Variants in DNAH12 observed in about 807,000 individuals in gnomAD.
The protein encoded by DNAH12 is dynein axonemal heavy chain 12, also known as axonemal beta dynein heavy chain 12.
A neutral mutation model predicts 371.5 loss-of-function variants in DNAH12; 285 were observed. That is an observed-to-expected ratio of 0.77 (90% CI 0.70 to 0.85). DNAH12 has a LOEUF of 0.85. Ranked by LOEUF, DNAH12 falls within the 40% of genes least tolerant of loss-of-function variation. DNAH12 has a pLI of 0.00. For synonymous variants in DNAH12, 1,200 were observed against 1,213.0 expected, an observed-to-expected ratio of 0.99 and a Z score of 0.22; for missense variants, 3,611 against 3,689.4, an observed-to-expected ratio of 0.98 and a Z score of 0.55.
chr3:57,294,552 A>C (rs183179456), intron 73 of DNAH12, among the ~76,000 whole-genome samples: 51 of 152,296 alleles, frequency 3.3e-4, no homozygotes, highest in Non-Finnish European at 5.0e-4. Context: ...ACCGCTTAGC[A>C]GGCATGAGAA....
At chr3:57,342,757 GAACA>G (rs1559571515) in intron 60 of DNAH12, among the ~76,000 whole-genome samples, 1 of 149,304 alleles carries the variant, frequency 6.7e-6, no homozygotes, top group African/African-American at 2.5e-5. Flanking sequence ...CATGTCAACA[GAACA>G]AAAAAATCTA....
At chr3:57,366,497 C>G (rs1013080899) in intron 57 of DNAH12, among the ~76,000 whole-genome samples, 33 of 152,094 alleles carry the variant, frequency 2.2e-4, no homozygotes, top group Non-Finnish European at 1.5e-4. Context: ...GGATCCCTTT[C>G]CTGTAACAAT....
chr3:57,411,320 G>T (rs1378749392), intron 39 of DNAH12, among the ~76,000 whole-genome samples: 1 of 151,660 alleles, frequency 6.6e-6, no homozygotes, highest in Non-Finnish European at 1.5e-5. Context: ...TTGAGGTCAG[G>T]AGTTCAAGAC....
intron 2 of DNAH12, among the ~76,000 whole-genome samples, chr3:57,534,148 T>A (rs975394264): frequency 1.3e-5 from 2 of 149,162 alleles, no homozygotes; most frequent in South Asian, 4.2e-4. Flanking sequence ...CAAGGCAGCA[T>A]TGAGTTCAAT....
chr3:57,506,332 T>C (rs994307543), intron 8 of DNAH12, among the ~76,000 whole-genome samples: 2 of 152,184 alleles, frequency 1.3e-5, no homozygotes, highest in African/African-American at 4.8e-5. Context: ...TCTTAGAAGC[T>C]CGAAATTTAC....
At chr3:57,450,409 G>A (rs1575619050) in intron 25 of DNAH12, among the ~76,000 whole-genome samples, 2 of 144,382 alleles carry the variant, frequency 1.4e-5, no homozygotes, top group African/African-American at 2.6e-5. Flanking sequence ...TTAGTTGGGC[G>A]TGGTGGCACA....
At chr3:57,552,191 G>A in the DNAH12 span, among the ~76,000 whole-genome samples, 8 of 149,860 alleles carry the variant, frequency 5.3e-5, no homozygotes, top group Admixed American at 2.0e-4. Context: ...CTTGCAGTGA[G>A]CCGAGATCAC....
In DNAH12 at chr3:57,468,759, T is replaced by A. The variant is rs1475439512; in HGVS notation, c.2326A>T (p.Met776Leu). ...ACCTTAAAAGCTTTTATCTGTTCCA[T>A]GACTGTACTGCACATAGTAATAGTA... is the stretch of plus-strand genomic sequence containing the variant. ...NATITMCSTV[M>L]EQIKAFKEYI... is the part of the protein sequence containing the mutation. The change falls in exon 17 of 74, where the codon ATG becomes TTG. Residue 776 changes from methionine to leucine, a missense_variant. Physicochemically the swap from Met to Leu is conservative, Grantham distance 15. This residue lies in a region of DNAH12 where 1,314 missense variants were observed against 1,398.7 expected (regional missense o/e 0.94). Transcript: ENST00000495027. The A allele has an allele frequency of 1.3e-6, 2 of 1,491,856 alleles. No homozygotes were observed. The highest frequency in any genetic ancestry group is 2.9e-5 in the African/African-American group (2 of 69,496). The allele number at this position is 1,491,856 out of a possible 1,614,324, so 92.4% of individuals were successfully genotyped here.
chr3:57,538,141 A>G (rs1462586023), intron 2 of DNAH12, among the ~76,000 whole-genome samples: 2 of 152,234 alleles, frequency 1.3e-5, no homozygotes, highest in Non-Finnish European at 2.9e-5. Flanking sequence ...GAGAAGGAAA[A>G]AAATGAAGTG....
chr3:57,406,902 CT>C (rs1192831342), intron 40 of DNAH12, among the ~76,000 whole-genome samples: 7 of 151,462 alleles, frequency 4.6e-5, no homozygotes, highest in Non-Finnish European at 8.8e-5. Context: ...AACAAAAAAA[CT>C]TTTTTTTTAT....
upstream of DNAH12, among the ~76,000 whole-genome samples, chr3:57,548,380 C>G (rs1010303023): frequency 6.6e-6 from 1 of 152,082 alleles, no homozygotes; most frequent in Non-Finnish European, 1.5e-5. Flanking sequence ...CTTTGGGAAG[C>G]CTGTCAAGTA....
intron 13 of DNAH12, among the ~76,000 whole-genome samples, chr3:57,479,348 A>T (rs2153382827): frequency 6.6e-6 from 1 of 152,290 alleles, no homozygotes; most frequent in Admixed American, 6.5e-5. Context: ...TGGTAAAGGG[A>T]TCAATTCAAC....
intron 37 of DNAH12, among the ~76,000 whole-genome samples, chr3:57,417,722 C>G (rs1575573664): frequency 6.6e-6 from 1 of 152,150 alleles, no homozygotes; most frequent in African/African-American, 2.4e-5. Flanking sequence ...CATGCCCATT[C>G]CTTCTTCAAA....
In DNAH12 at chr3:57,352,097, G is replaced by T; in HGVS notation, c.9662C>A (p.Ala3221Asp). The change falls in exon 60 of 74, where the codon GCC becomes GAC. Residue 3221 changes from alanine (A) to aspartate (D), a missense_variant. By Grantham distance (126) the Ala-to-Asp change is moderately radical (BLOSUM62 -2). Transcript: ENST00000495027. ...GCAAGTAACTTACAGAAGAAGATTG[G>T]CACATAATAAAAAGGAAAATAACAG... ...DKLLFSFLLC[A>D]NLLLARKEIE... 6.6e-7 allele frequency: 1 copy of T among 1,517,590 alleles called. No individual in the cohort carries two copies. The highest frequency in any genetic ancestry group is 8.8e-7 in the Non-Finnish European group (1 of 1,137,970). 94.0% of individuals were successfully genotyped at this position (1,517,590 alleles called of 1,614,324 possible).
At chr3:57,476,392 C>T (rs894582208) in intron 13 of DNAH12, among the ~76,000 whole-genome samples, 6 of 151,838 alleles carry the variant, frequency 4.0e-5, no homozygotes, top group Non-Finnish European at 5.9e-5. Flanking sequence ...GGTGAAGCCC[C>T]GTCTCTACTA....
At chr3:57,534,277 C>T (rs2068949725) in intron 2 of DNAH12, among the ~76,000 whole-genome samples, 1 of 152,152 alleles carries the variant, frequency 6.6e-6, no homozygotes, top group African/African-American at 2.4e-5. Context: ...CTCTTTCCTG[C>T]CCTCTTCAGT....
chr3:57,545,201 C>T (rs1394591334), upstream of DNAH12, among the ~76,000 whole-genome samples: 1 of 150,050 alleles, frequency 6.7e-6, no homozygotes, highest in East Asian at 2.0e-4. Flanking sequence ...GATCTTGTTG[C>T]CCAGGCTGGA....
chr3:57,483,422 T>A lies in DNAH12; in HGVS notation c.1604A>T (p.Glu535Val). The A allele has an allele frequency of 1.3e-6, 2 of 1,551,290 alleles. No individual in the cohort carries two copies. Among genetic ancestry groups the A allele is most frequent in the Non-Finnish European group, 1.7e-6 (2 of 1,146,840 alleles). The change falls in exon 13 of 74, where the codon GAA becomes GTA. Residue 535 changes from glutamate (E) to valine (V), a missense_variant. By Grantham distance (121) the Glu-to-Val change is moderately radical (BLOSUM62 -2). This residue lies in a region of DNAH12 where 1,314 missense variants were observed against 1,398.7 expected (regional missense o/e 0.94). Coordinates refer to ENST00000495027, the MANE Select transcript of DNAH12 (RefSeq NM_001366028.2). ...EEMMDLISYVEKARTVGIEEL... is the reference protein window; with the variant it reads ...EEMMDLISYVVKARTVGIEEL... ...TTCGATTCCTACAGTCCGGGCTTTT[T>A]CTACATAAGATATCAGATCCATCAT...
At chr3:57,543,801 C>T (rs2069405154) in intron 1 of DNAH12, among the ~76,000 whole-genome samples, 2 of 151,564 alleles carry the variant, frequency 1.3e-5, no homozygotes, top group South Asian at 2.1e-4. Context: ...AATCCCAGCA[C>T]TTTGGGAGGC....
Sources: gnomAD v4.1 joint callset for allele counts (sites outside exome capture counted in the v4.1 genomes callset) on GRCh38, gnomAD v4.1.1 for gene constraint, gnomAD v4.1.1 regional missense constraint, MANE v1.5 for transcripts, NCBI Gene and HGNC (gene_info 2026-07-23, HGNC 2026-07-21) for gene names.